GIPC2: variants seen among roughly 807,000 people sequenced by gnomAD.
GIPC2 encodes GIPC PDZ domain containing family member 2.
In GIPC2, 30 loss-of-function variants were observed where a neutral mutation model predicts 30.6. The observed-to-expected ratio is 0.98, with a 90% CI of 0.73 to 1.33. The LOEUF is 1.33. GIPC2 is among the 40% of genes most tolerant of loss of function. The probability of loss-of-function intolerance (pLI) is 0.00; values close to 1 mark genes in which losing one functional copy is unlikely to be tolerated. For missense variants in GIPC2, 414 were observed against 390.3 expected (o/e 1.06, Z -0.51); for synonymous variants, 167 against 150.0 (o/e 1.11, Z -0.83).
chr1:78,046,226 C>G lies in GIPC2; in HGVS notation c.132C>G (p.Phe44Leu). 6.2e-7 allele frequency: 1 copy of G among 1,604,770 alleles called. No homozygotes were observed. The highest frequency in any genetic ancestry group is 1.1e-5 in the South Asian group (1 of 89,862). The stretch of plus-strand genomic sequence containing the variant: ...GGGCTCCCGCACGCAGGCTGGTCTT[C>G]CACGCGCAGCTGGCGCACGGTAGTG... ...ASRAPARRLV[F>L]HAQLAHGSAT... Residue 44 changes from phenylalanine to leucine, a missense_variant, in exon 1 of 6, where the codon TTC (phenylalanine) becomes TTG (leucine). Physicochemically the swap from Phe to Leu is conservative, Grantham distance 22. Coordinates refer to ENST00000370759, the MANE Select transcript of GIPC2 (RefSeq NM_017655.6).
chr1:78,054,026 A>G (rs796781700), intron 1 of GIPC2, among the ~76,000 whole-genome samples: 1 of 152,296 alleles, frequency 6.6e-6, no homozygotes, highest in African/African-American at 2.4e-5. Context: ...GTCCTCTCCT[A>G]TGCCCACTGT....
chr1:78,112,542 C>T (rs1016835109), intron 3 of GIPC2: 1 of 518,896 alleles, frequency 1.9e-6, no homozygotes, highest in African/African-American at 1.9e-5. Flanking sequence ...TCCAGGCCAA[C>T]CAGGGCTCTC....
At chr1:78,055,053 A>C (rs911826122) in intron 1 of GIPC2, among the ~76,000 whole-genome samples, 10 of 152,302 alleles carry the variant, frequency 6.6e-5, no homozygotes, top group Admixed American at 5.2e-4. Context: ...AGACTATCAA[A>C]AACTGAGTTG....
rs1411303139 is a variant in GIPC2, at chr1:78,138,395, T to G, written c.*2652T>G. ...ATAATTTTTCAAATGATGTATAATTTGCAATATTTTCCCTTGCAACTTTAG... is the reference window on the plus strand; with the variant it reads ...ATAATTTTTCAAATGATGTATAATTGGCAATATTTTCCCTTGCAACTTTAG... On this transcript the variant is annotated 3_prime_UTR_variant, in exon 6 of 6. Transcript: ENST00000370759. The G allele has an allele frequency of 1.3e-5, 2 of 152,266 alleles. No individual in the cohort carries two copies. Among genetic ancestry groups the G allele is most frequent in the African/African-American group, 4.8e-5 (2 of 41,472 alleles). The allele number at this position is 152,266 out of a possible 1,614,324, so 9.4% of individuals were successfully genotyped here.
chr1:78,112,534 C>CATGAG, intron 3 of GIPC2: 1 of 518,996 alleles, frequency 1.9e-6, no homozygotes, highest in Non-Finnish European at 3.8e-6. Flanking sequence ...CTCCATACTC[C>CATGAG]AGGCCAACCA....
intron 3 of GIPC2, among the ~76,000 whole-genome samples, chr1:78,112,253 C>T (rs757648106): frequency 1.9e-4 from 29 of 152,116 alleles, no homozygotes; most frequent in Admixed American, 4.6e-4. Context: ...TTTTTTTCTC[C>T]TACCTCATTT....
chr1:78,061,970 G>A (rs763273885), intron 1 of GIPC2, among the ~76,000 whole-genome samples: 1 of 152,140 alleles, frequency 6.6e-6, no homozygotes, highest in Non-Finnish European at 1.5e-5. Context: ...GTGTGGCTAA[G>A]AGGCTTAAGA....
chr1:78,120,454 G>A (rs1481877545), intron 4 of GIPC2, among the ~76,000 whole-genome samples: 1 of 152,126 alleles, frequency 6.6e-6, no homozygotes, highest in South Asian at 2.1e-4. Flanking sequence ...CGAGCATCCT[G>A]TATAAACAGC....
chr1:78,067,896 A>G (rs948434256), intron 1 of GIPC2, among the ~76,000 whole-genome samples: 39 of 152,338 alleles, frequency 2.6e-4, no homozygotes, highest in African/African-American at 9.1e-4. Context: ...GGATTCTGTT[A>G]TAGTAACTAA....
chr1:78,068,138 A>T (rs1661554186), intron 1 of GIPC2, among the ~76,000 whole-genome samples: 1 of 152,248 alleles, frequency 6.6e-6, no homozygotes, highest in African/African-American at 2.4e-5. Flanking sequence ...GCCAAAAAAA[A>T]AACCTTTTAG....
intron 4 of GIPC2, among the ~76,000 whole-genome samples, 173 bp downstream of exon 4, chr1:78,119,672 T>C (rs1571523264): frequency 6.6e-6 from 1 of 152,150 alleles, no homozygotes; most frequent in East Asian, 1.9e-4. Context: ...GAAGAGATTG[T>C]GATCTATAGA....
At chr1:78,099,761 G>T (rs894255134) in intron 3 of GIPC2, among the ~76,000 whole-genome samples, 23 of 152,070 alleles carry the variant, frequency 1.5e-4, no homozygotes, top group African/African-American at 4.1e-4. Flanking sequence ...TAAGGAAAGA[G>T]ATTTGAGTTG....
At chr1:78,094,862 C>T in intron 2 of GIPC2, 90 bp from the exon 3 acceptor site, 1 of 913,344 alleles carries the variant, frequency 1.1e-6, no homozygotes, top group East Asian at 2.4e-5. Context: ...TAACCAGGCC[C>T]AAACCTGCTT....
intron 3 of GIPC2, among the ~76,000 whole-genome samples, chr1:78,105,835 G>A (rs116431933): frequency 0.016 from 2,456 of 152,220 alleles, 29 homozygotes; most frequent in Non-Finnish European, 0.026. Flanking sequence ...AACGGGAATT[G>A]TCATTTAATT....
intron 1 of GIPC2, among the ~76,000 whole-genome samples, chr1:78,079,448 G>A (rs551670078): frequency 1.3e-5 from 2 of 152,228 alleles, no homozygotes; most frequent in Admixed American, 1.3e-4. Context: ...TTTCTGAGTG[G>A]GATGCAGGTT....
intron 1 of GIPC2, among the ~76,000 whole-genome samples, chr1:78,066,075 A>C (rs751784220): frequency 2.6e-5 from 4 of 152,238 alleles, no homozygotes. Flanking sequence ...GCTTCTGCAC[A>C]GCAAAGAAAA....
chr1:78,086,001 G>C (rs1435210454), intron 2 of GIPC2, among the ~76,000 whole-genome samples: 2 of 149,412 alleles, frequency 1.3e-5, no homozygotes, highest in Non-Finnish European at 3.0e-5. Flanking sequence ...AGTTCTCTTA[G>C]TTGTGATGTT....
chr1:78,100,067 A>C (rs1209783940), intron 3 of GIPC2, among the ~76,000 whole-genome samples: 1 of 152,220 alleles, frequency 6.6e-6, no homozygotes, highest in Non-Finnish European at 1.5e-5. Flanking sequence ...GATATTTTGG[A>C]GACTGTTAGA....
At chr1:78,109,142 T>C (rs1278284545) in intron 3 of GIPC2, among the ~76,000 whole-genome samples, 1 of 152,228 alleles carries the variant, frequency 6.6e-6, no homozygotes, top group Admixed American at 6.5e-5. Flanking sequence ...ACCATCTGCT[T>C]TCTTATTCAT....
Sources: allele counts gnomAD v4.1 joint callset (sites outside exome capture counted in the v4.1 genomes callset), GRCh38; gene constraint gnomAD v4.1.1; transcripts MANE v1.5; gene names NCBI Gene and HGNC (gene_info 2026-07-23, HGNC 2026-07-21).